The following FRMD5 variants were observed in gnomAD, a reference collection of about 807,000 sequenced individuals.
FRMD5 encodes FERM domain containing 5, also known as FERM domain-containing protein 5.
In FRMD5, 20 loss-of-function variants were observed where a neutral mutation model predicts 69.0. The observed-to-expected ratio is 0.29, with a 90% CI of 0.20 to 0.42. The LOEUF is 0.42. Among genes scored for constraint, FRMD5 ranks in the 10% least tolerant of loss-of-function variants. FRMD5 has a pLI of 1.00. For missense variants in FRMD5, 595 were observed against 708.6 expected (o/e 0.84, Z 1.82); for synonymous variants, 271 against 260.1 (o/e 1.04, Z -0.40).
intron 1 of FRMD5, among the ~76,000 whole-genome samples, chr15:44,155,341 A>G (rs2077510104): frequency 6.6e-6 from 1 of 151,992 alleles, no homozygotes; most frequent in African/African-American, 2.4e-5. Flanking sequence ...CTGAGGCACA[A>G]GAATTGCTTG....
At chr15:44,178,047 G>C (rs1273558845) in intron 1 of FRMD5, among the ~76,000 whole-genome samples, 3 of 152,182 alleles carry the variant, frequency 2.0e-5, no homozygotes, top group Non-Finnish European at 4.4e-5. Flanking sequence ...GGCAAGTTTT[G>C]CTGGGCACTG....
intron 5 of FRMD5, among the ~76,000 whole-genome samples, chr15:43,908,916 C>G (rs529536026): frequency 3.9e-5 from 6 of 152,222 alleles, no homozygotes; most frequent in South Asian, 4.1e-4. Flanking sequence ...GGAGATTTGC[C>G]TGAGAGGATG....
chr15:43,928,281 C>T (rs538078392), intron 1 of FRMD5, among the ~76,000 whole-genome samples: 6 of 152,308 alleles, frequency 3.9e-5, no homozygotes, highest in African/African-American at 1.4e-4. Context: ...TCTTCCTTTG[C>T]TCTTTCTCCA....
intron 1 of FRMD5, among the ~76,000 whole-genome samples, chr15:43,965,983 T>C (rs1488595959): frequency 1.3e-5 from 2 of 152,210 alleles, no homozygotes; most frequent in Non-Finnish European, 1.5e-5. Context: ...GTTTAGGTAA[T>C]ATTTTTCCAC....
At position 43,914,723 on chromosome 15, in the gene FRMD5, C is replaced by CTTTTT. The variant is rs533023960; in HGVS notation, c.329+4731_329+4735dup. Among the ~76,000 whole-genome samples, 94 of 109,362 alleles carry CTTTTT rather than the reference C, an allele frequency of 8.6e-4. 12 individuals are homozygous for CTTTTT. The highest frequency in any genetic ancestry group is 4.3e-3 in the African/African-American group (79 of 18,578). The allele number at this position is 109,362 out of a possible 152,430, so 71.7% of individuals were successfully genotyped here. On this transcript the variant is annotated intron_variant, in intron 4 of 13. Coordinates refer to ENST00000417257, the MANE Select transcript of FRMD5 (RefSeq NM_032892.5). Reference sequence around the variant, plus strand: ...CCCAGCAACTCTATGAGGTGACTACCTTTTTTTTTTTTTTTTTTTTTGAGA... The same window carrying CTTTTT: ...CCCAGCAACTCTATGAGGTGACTACCTTTTTTTTTTTTTTTTTTTTTTTTTTGAGA...
intron 1 of FRMD5, among the ~76,000 whole-genome samples, chr15:44,176,355 T>G (rs1461409879): frequency 6.6e-6 from 1 of 152,134 alleles, no homozygotes; most frequent in African/African-American, 2.4e-5. Flanking sequence ...TGGACACCTA[T>G]CTCACACCAT....
At chr15:44,164,452 A>C (rs918819528) in intron 1 of FRMD5, among the ~76,000 whole-genome samples, 2 of 152,176 alleles carry the variant, frequency 1.3e-5, no homozygotes, top group Admixed American at 1.3e-4. Context: ...CATAGAAGAT[A>C]GATTGTGACA....
chr15:43,899,802 C>G (rs548151115), intron 7 of FRMD5, among the ~76,000 whole-genome samples: 62 of 152,280 alleles, frequency 4.1e-4, no homozygotes, highest in South Asian at 2.3e-3. Context: ...TCACCCAAGA[C>G]GAGGCTGAGA....
intron 1 of FRMD5, among the ~76,000 whole-genome samples, chr15:44,139,474 A>G (rs1424968113): frequency 6.6e-6 from 1 of 152,098 alleles, no homozygotes; most frequent in Non-Finnish European, 1.5e-5. Flanking sequence ...GTCTAAGCCA[A>G]AATGATGCAG....
chr15:43,885,588 T>TG, intron 11 of FRMD5, 93 bp downstream of exon 11: 1 of 1,057,732 alleles, frequency 9.5e-7, no homozygotes, highest in Non-Finnish European at 1.5e-6. Flanking sequence ...GAGTCCTCCC[T>TG]GGTTTCTCTG....
At chr15:43,986,014 G>T (rs1297874594) in intron 1 of FRMD5, among the ~76,000 whole-genome samples, 1 of 152,224 alleles carries the variant, frequency 6.6e-6, no homozygotes, top group East Asian at 1.9e-4. Flanking sequence ...GTTCTTAGAT[G>T]AAAGAATGTC....
intron 1 of FRMD5, among the ~76,000 whole-genome samples, chr15:44,096,594 G>A (rs1357492291): frequency 6.6e-6 from 1 of 151,910 alleles, no homozygotes; most frequent in African/African-American, 2.4e-5. Context: ...ATAGAGACGA[G>A]GTTTCACCGT....
At chr15:44,098,873 T>C (rs531370191) in intron 1 of FRMD5, among the ~76,000 whole-genome samples, 1 of 152,360 alleles carries the variant, frequency 6.6e-6, no homozygotes, top group South Asian at 2.1e-4. Context: ...TCTTTTGAGC[T>C]TTTAAAATAG....
intron 5 of FRMD5, among the ~76,000 whole-genome samples, chr15:43,908,552 A>G (rs1023911590): frequency 3.3e-5 from 5 of 152,192 alleles, no homozygotes; most frequent in African/African-American, 1.2e-4. Context: ...AGTTGCTTCC[A>G]GGATTTCCAA....
At chr15:43,995,537 G>GT (rs1889879750) in intron 1 of FRMD5, among the ~76,000 whole-genome samples, 2 of 152,072 alleles carry the variant, frequency 1.3e-5, no homozygotes, top group African/African-American at 4.8e-5. Context: ...CCTGGCACTG[G>GT]TGTCTACAGG....
chr15:44,166,783 CAAAA>C (rs1006711939), intron 1 of FRMD5, among the ~76,000 whole-genome samples: 3 of 53,012 alleles, frequency 5.7e-5, no homozygotes, highest in East Asian at 6.2e-4. Context: ...GACCCTATCT[CAAAA>C]AAAAAAAAAA....
At chr15:43,964,652 C>G (rs555916933) in intron 1 of FRMD5, among the ~76,000 whole-genome samples, 1 of 152,158 alleles carries the variant, frequency 6.6e-6, no homozygotes, top group African/African-American at 2.4e-5. Context: ...TGCACATATT[C>G]AGAATCCTGC....
chr15:44,196,766 C>T (rs958174195), upstream of FRMD5, among the ~76,000 whole-genome samples: 2 of 143,164 alleles, frequency 1.4e-5, no homozygotes, highest in East Asian at 4.1e-4. Context: ...CTCTCTCTCT[C>T]TCTCTCTCTT....
Position 44,167,700 on chromosome 15 carries a change from C to T in FRMD5, c.102+27253G>A, listed in dbSNP as rs185417040. ...CGCCTCCCAGGTTGAAGTGATTCTC[C>T]GGCCTCAGCCTCCCAAGTAGCTGGG... On this transcript the variant is annotated intron_variant, in intron 1 of 13. Transcript: ENST00000417257. 6.0e-3 allele frequency among the ~76,000 whole-genome samples: 921 copies of T among 152,246 alleles called. 5 individuals are homozygous for T. The highest frequency in any genetic ancestry group is 0.017 in the Middle Eastern group (5 of 294).
Sources: gnomAD v4.1 joint callset for allele counts (sites outside exome capture counted in the v4.1 genomes callset) on GRCh38, gnomAD v4.1.1 for gene constraint, MANE v1.5 for transcripts, NCBI Gene and HGNC (gene_info 2026-07-23, HGNC 2026-07-21) for gene names.